Variants in AKT3 observed in about 807,000 individuals in gnomAD.
AKT3 encodes the protein AKT serine/threonine kinase 3, also known as RAC-gamma serine/threonine-protein kinase.
A neutral mutation model predicts 65.3 loss-of-function variants in AKT3; 15 were observed. The observed-to-expected ratio is 0.23, with a 90% CI of 0.15 to 0.35. The LOEUF is 0.35. Ranked by LOEUF, AKT3 falls within the 10% of genes least tolerant of loss-of-function variation. The probability of loss-of-function intolerance (pLI) is 1.00; values close to 1 mark genes in which losing one functional copy is unlikely to be tolerated. For missense variants in AKT3, 243 were observed against 576.5 expected (o/e 0.42, Z 5.92); for synonymous variants, 206 against 183.8 (o/e 1.12, Z -0.98).
In AKT3 at chr1:243,679,189, TA is replaced by T. The variant is rs1486119444; in HGVS notation, c.173-14307del. Among the ~76,000 whole-genome samples, 4 of 152,250 alleles carry T rather than the reference TA, an allele frequency of 2.6e-5. 1 individual carries two copies. Among genetic ancestry groups the T allele is most frequent in the Admixed American group, 6.5e-5 (1 of 15,288 alleles). On this transcript the variant is annotated intron_variant, in intron 3 of 13. Coordinates refer to ENST00000673466, the MANE Select transcript of AKT3 (RefSeq NM_005465.7). The stretch of plus-strand genomic sequence containing the variant: ...TAGTGCATGTAATACACAAAATATG[TA>T]TCAATTAACTGTTTATTGGTAAAGC...
At chr1:243,625,261 A>G (rs757977261) in intron 6 of AKT3, among the ~76,000 whole-genome samples, 2 of 149,754 alleles carry the variant, frequency 1.3e-5, no homozygotes, top group Non-Finnish European at 3.0e-5. Flanking sequence ...CCCCTCAAGT[A>G]GCTGGGATTA....
At chr1:243,813,119 T>C (rs930672250) in intron 2 of AKT3, among the ~76,000 whole-genome samples, 13 of 151,952 alleles carry the variant, frequency 8.6e-5, no homozygotes, top group Admixed American at 7.9e-4. Context: ...ATGGCACATG[T>C]ATACATATGT....
At chr1:243,810,813 A>C in intron 2 of AKT3, among the ~76,000 whole-genome samples, 1 of 152,202 alleles carries the variant, frequency 6.6e-6, no homozygotes, top group Admixed American at 6.5e-5. Flanking sequence ...GCAGCACATT[A>C]AAAAGCTTAT....
chr1:243,768,848 AG>A lies in AKT3; in HGVS notation c.47-73133del, dbSNP rs1328026773. ...ATCCGCCACAAAAAAAAAAAAAAAA[AG>A]AGAGCGATAGTTCACATACCATAAA... On this transcript the variant is annotated intron_variant, in intron 2 of 13. Coordinates refer to ENST00000673466, the MANE Select transcript of AKT3 (RefSeq NM_005465.7). Among the ~76,000 whole-genome samples the A allele has an allele frequency of 4.6e-5, 7 of 151,288 alleles. No homozygotes were observed. The East Asian group carries it at 5.9e-4, about 13-fold the overall frequency.
intron 12 of AKT3, among the ~76,000 whole-genome samples, chr1:243,524,002 A>C (rs942339229): frequency 6.6e-6 from 1 of 152,202 alleles, no homozygotes; most frequent in African/African-American, 2.4e-5. Context: ...ATACAAGCCT[A>C]GATGGTGTAA....
chr1:243,811,753 A>G lies in AKT3; in HGVS notation c.46+31372T>C, dbSNP rs113047166. 2.0e-4 allele frequency among the ~76,000 whole-genome samples: 30 copies of G among 152,322 alleles called. 2 individuals carry two copies. Among genetic ancestry groups the G allele is most frequent in the African/African-American group, 7.0e-4 (29 of 41,568 alleles). Reference sequence around the variant, plus strand: ...AAAAGAAAAAAGCTGGAGGCATCATACTACCTGTCTTCAAATTATACTACA... The same window carrying G: ...AAAAGAAAAAAGCTGGAGGCATCATGCTACCTGTCTTCAAATTATACTACA... On this transcript the variant is annotated intron_variant, in intron 2 of 13. Coordinates refer to ENST00000673466, the MANE Select transcript of AKT3 (RefSeq NM_005465.7).
intron 8 of AKT3, among the ~76,000 whole-genome samples, chr1:243,580,078 G>A (rs981468129): frequency 1.3e-5 from 2 of 152,158 alleles, no homozygotes; most frequent in East Asian, 1.9e-4. Flanking sequence ...CTTTCTGCAC[G>A]CCTCAGCCAC....
At chr1:243,816,979 A>T (rs1267194185) in intron 2 of AKT3, among the ~76,000 whole-genome samples, 1 of 152,200 alleles carries the variant, frequency 6.6e-6, no homozygotes. Flanking sequence ...ATGTATTGGA[A>T]CAATGATCTG....
chr1:243,780,480 C>T (rs1245278876), intron 2 of AKT3, among the ~76,000 whole-genome samples: 2 of 151,166 alleles, frequency 1.3e-5, no homozygotes, highest in Non-Finnish European at 3.0e-5. Flanking sequence ...GTATATAAGA[C>T]TAAAGGAGGC....
chr1:243,624,197 T>C (rs1003351663), intron 6 of AKT3, among the ~76,000 whole-genome samples: 23 of 152,290 alleles, frequency 1.5e-4, no homozygotes, highest in Non-Finnish European at 2.6e-4. Context: ...TAAATGGGTA[T>C]ACAGTCACCA....
At chr1:243,826,202 GAAT>G (rs1694157443) in intron 2 of AKT3, among the ~76,000 whole-genome samples, 1 of 152,120 alleles carries the variant, frequency 6.6e-6, no homozygotes. Flanking sequence ...CTACATTTCA[GAAT>G]AATACCCGAC....
intron 11 of AKT3, among the ~76,000 whole-genome samples, chr1:243,548,856 GAACT>G (rs1490951726): frequency 6.6e-6 from 1 of 152,138 alleles, no homozygotes; most frequent in African/African-American, 2.4e-5. Context: ...CCCTTGGATA[GAACT>G]AACAGCAATT....
chr1:243,766,285 CTGTG>C (rs1689813355), intron 2 of AKT3, among the ~76,000 whole-genome samples: 1 of 152,084 alleles, frequency 6.6e-6, no homozygotes, highest in Non-Finnish European at 1.5e-5. Context: ...TAAGGCCCTA[CTGTG>C]TGTAAGACTA....
intron 2 of AKT3, among the ~76,000 whole-genome samples, chr1:243,793,790 A>AG (rs1188796842): frequency 9.2e-5 from 14 of 151,492 alleles, no homozygotes; most frequent in Non-Finnish European, 1.9e-4. Context: ...AAAAAAAAAA[A>AG]AGGGTGAAGA....
At chr1:243,776,316 C>T (rs369348153) in intron 2 of AKT3, among the ~76,000 whole-genome samples, 26 of 152,316 alleles carry the variant, frequency 1.7e-4, no homozygotes, top group Admixed American at 6.5e-4. Flanking sequence ...CTTGTCTCCA[C>T]TAAAGACTGT....
At chr1:243,586,599 A>G (rs1675830417) in intron 8 of AKT3, among the ~76,000 whole-genome samples, 1 of 152,210 alleles carries the variant, frequency 6.6e-6, no homozygotes, top group Non-Finnish European at 1.5e-5. Flanking sequence ...GCTGGAGGCC[A>G]TTATCCGGAG....
intron 8 of AKT3, among the ~76,000 whole-genome samples, chr1:243,588,354 A>G (rs1675954749): frequency 6.6e-6 from 1 of 152,228 alleles, no homozygotes; most frequent in Non-Finnish European, 1.5e-5. Context: ...GCAGTCAGAG[A>G]AGAGTCATTA....
intron 1 of AKT3, among the ~76,000 whole-genome samples, chr1:243,844,654 A>T (rs1397008405): frequency 1.3e-5 from 2 of 152,080 alleles, no homozygotes; most frequent in Admixed American, 1.3e-4. Context: ...TTTAAAAAAA[A>T]TTTTTGTGGA....
intron 12 of AKT3, among the ~76,000 whole-genome samples, chr1:243,533,996 CAAAAAG>C (rs1406810363): frequency 1.3e-5 from 2 of 151,776 alleles, no homozygotes; most frequent in Admixed American, 6.6e-5. Flanking sequence ...TTTCCAAAAA[CAAAAAG>C]AAAAACAAAA....
Sources: gnomAD v4.1 joint callset for allele counts (sites outside exome capture counted in the v4.1 genomes callset) on GRCh38, gnomAD v4.1.1 for gene constraint, MANE v1.5 for transcripts, NCBI Gene and HGNC (gene_info 2026-07-23, HGNC 2026-07-21) for gene names.